TMEM135: variants seen among roughly 807,000 people sequenced by gnomAD.
The protein encoded by TMEM135 is peroxisomal membrane protein 52.
In TMEM135, 30 loss-of-function variants were observed where a neutral mutation model predicts 60.3. That is an observed-to-expected ratio of 0.50 (90% CI 0.37 to 0.68). The LOEUF is 0.68. Ranked by LOEUF, TMEM135 falls within the 30% of genes least tolerant of loss-of-function variation. The pLI is 0.00. For missense variants in TMEM135, 468 were observed against 548.8 expected (o/e 0.85, Z 1.47); for synonymous variants, 190 against 186.7 (o/e 1.02, Z -0.14).
chr11:87,163,193 C>T (rs1193847478), intron 5 of TMEM135, among the ~76,000 whole-genome samples: 1 of 123,236 alleles, frequency 8.1e-6, no homozygotes, highest in Non-Finnish European at 1.7e-5. Flanking sequence ...CCCCCTCCCC[C>T]GACCCCACCA....
intron 3 of TMEM135, among the ~76,000 whole-genome samples, chr11:87,081,960 T>C (rs1250268720): frequency 6.6e-6 from 1 of 152,216 alleles, no homozygotes; most frequent in Non-Finnish European, 1.5e-5. Context: ...TCTTTGTGTA[T>C]GTGTTGATTT....
rs1157507913 is a variant in TMEM135, at chr11:87,102,740, GTATATA to G, written c.396+11347_396+11352del. ...TATATATATATATGTATATATATAT[GTATATA>G]TGTATATATACAGCATGAAATGATT... On this transcript the variant is annotated intron_variant, in intron 4 of 14. Transcript: ENST00000305494. Among the ~76,000 whole-genome samples the G allele has an allele frequency of 8.6e-3, 1,208 of 140,428 alleles. 20 individuals are homozygous for G. Among genetic ancestry groups the G allele is most frequent in the African/African-American group, 0.031 (1,162 of 36,964 alleles). 92.1% of individuals were successfully genotyped at this position (140,428 alleles called of 152,430 possible).
chr11:87,293,041 C>T (rs1369219454), intron 6 of TMEM135, among the ~76,000 whole-genome samples: 1 of 152,158 alleles, frequency 6.6e-6, no homozygotes. Flanking sequence ...AATTTGTTCC[C>T]AGTTATACAT....
intron 5 of TMEM135, among the ~76,000 whole-genome samples, chr11:87,162,996 T>C (rs1168895055): frequency 1.3e-5 from 2 of 151,858 alleles, no homozygotes; most frequent in Admixed American, 1.3e-4. Flanking sequence ...TTTTCATGTT[T>C]GCTGGCCTTA....
chr11:87,313,339 A>C lies in TMEM135; in HGVS notation c.937-86A>C, dbSNP rs187465455. On this transcript the variant is annotated intron_variant, in intron 10 of 14. Coordinates refer to ENST00000305494, the MANE Select transcript of TMEM135 (RefSeq NM_022918.4). The stretch of plus-strand genomic sequence containing the variant: ...AATTGGCCTGCAAGGTAATCTGATG[A>C]ATTTATTCATTATAGTTGTTTTTGT... The C allele has an allele frequency of 2.1e-3, 2,359 of 1,135,336 alleles. 13 individuals are homozygous for C. The highest frequency in any genetic ancestry group is 1.9e-3 in the Non-Finnish European group (1,406 of 753,680). 70.3% of individuals were successfully genotyped at this position (1,135,336 alleles called of 1,614,324 possible).
chr11:87,155,885 C>T (rs1356771832), intron 4 of TMEM135, among the ~76,000 whole-genome samples: 1 of 152,176 alleles, frequency 6.6e-6, no homozygotes, highest in Non-Finnish European at 1.5e-5. Context: ...ATCAGAGACC[C>T]TATCTGTCTT....
intron 5 of TMEM135, among the ~76,000 whole-genome samples, chr11:87,210,988 A>G (rs189006629): frequency 2.8e-4 from 42 of 152,356 alleles, no homozygotes; most frequent in African/African-American, 9.9e-4. Context: ...CATTGAAATA[A>G]TATACCTTAA....
intron 10 of TMEM135, among the ~76,000 whole-genome samples, chr11:87,310,775 CTG>C (rs1235543430): frequency 4.6e-5 from 7 of 150,914 alleles, no homozygotes; most frequent in Non-Finnish European, 3.0e-5. Flanking sequence ...GCCTCTATGA[CTG>C]TGAAAAAAAT....
intron 5 of TMEM135, among the ~76,000 whole-genome samples, chr11:87,201,204 T>A (rs1033220769): frequency 2.0e-5 from 3 of 152,204 alleles, no homozygotes; most frequent in Non-Finnish European, 4.4e-5. Flanking sequence ...AACTGGAAGA[T>A]CTTGCTCCTG....
rs66886963 is a variant in TMEM135, at chr11:87,316,266, A to ATG, written c.1077+1738_1077+1739dup. On this transcript the variant is annotated intron_variant, in intron 12 of 14. Coordinates refer to ENST00000305494, the MANE Select transcript of TMEM135 (RefSeq NM_022918.4). ...TTAATTACTTGCTTTACCCAAATAT[A>ATG]TGTGTGTGTGTGTGTGTGTGAGAGA... 7.2e-3 allele frequency among the ~76,000 whole-genome samples: 1,074 copies of ATG among 148,934 alleles called. 8 individuals carry two copies. Among genetic ancestry groups the ATG allele is most frequent in the African/African-American group, 0.019 (790 of 40,754 alleles).
At chr11:87,222,037 A>C (rs1050802396) in intron 5 of TMEM135, among the ~76,000 whole-genome samples, 5 of 151,630 alleles carry the variant, frequency 3.3e-5, no homozygotes, top group African/African-American at 1.2e-4. Flanking sequence ...CAAAAAAATT[A>C]GCCAGGCGGT....
At chr11:87,161,753 T>G (rs984210625) in intron 5 of TMEM135, among the ~76,000 whole-genome samples, 2 of 152,218 alleles carry the variant, frequency 1.3e-5, no homozygotes, top group Non-Finnish European at 2.9e-5. Context: ...TTAAAATTTT[T>G]AAAATACCAG....
At chr11:87,102,316 C>T (rs1857475148) in intron 4 of TMEM135, among the ~76,000 whole-genome samples, 1 of 152,104 alleles carries the variant, frequency 6.6e-6, no homozygotes, top group African/African-American at 2.4e-5. Flanking sequence ...CTAAGGGAAA[C>T]ACTTTGCTTA....
intron 4 of TMEM135, among the ~76,000 whole-genome samples, chr11:87,135,703 T>C (rs1197468748): frequency 6.7e-6 from 1 of 150,350 alleles, no homozygotes; most frequent in African/African-American, 2.4e-5. Context: ...TCTTTAAGTA[T>C]TGTTTTTGAC....
chr11:87,107,093 C>T (rs755496735), intron 4 of TMEM135, among the ~76,000 whole-genome samples: 12 of 152,156 alleles, frequency 7.9e-5, no homozygotes, highest in Non-Finnish European at 1.2e-4. Flanking sequence ...CCACTTGTAG[C>T]ATTGAGGATT....
intron 6 of TMEM135, among the ~76,000 whole-genome samples, chr11:87,248,265 A>T (rs924913336): frequency 4.6e-5 from 7 of 152,166 alleles, no homozygotes; most frequent in Admixed American, 1.3e-4. Context: ...TAGTTCTTTG[A>T]GAAACCTCTA....
chr11:87,158,126 A>C (rs544366478), intron 5 of TMEM135, among the ~76,000 whole-genome samples: 2 of 152,122 alleles, frequency 1.3e-5, no homozygotes, highest in Non-Finnish European at 2.9e-5. Flanking sequence ...GGGTCTTGCT[A>C]TGTTGCTTAG....
chr11:87,189,166 T>G (rs906892674), intron 5 of TMEM135, among the ~76,000 whole-genome samples: 1 of 151,614 alleles, frequency 6.6e-6, no homozygotes, highest in Admixed American at 6.6e-5. Flanking sequence ...CCCTTTCCCT[T>G]TCCTTTCTTT....
chr11:87,282,526 A>G (rs546055586), intron 6 of TMEM135, among the ~76,000 whole-genome samples: 15 of 152,290 alleles, frequency 9.8e-5, no homozygotes, highest in Non-Finnish European at 1.6e-4. Context: ...TCGACCTCCC[A>G]AAGTGCTGGG....
Sources: allele counts gnomAD v4.1 joint callset (sites outside exome capture counted in the v4.1 genomes callset), GRCh38; gene constraint gnomAD v4.1.1; transcripts MANE v1.5; gene names NCBI Gene and HGNC (gene_info 2026-07-23, HGNC 2026-07-21).